TIPIN: variants seen among roughly 807,000 people sequenced by gnomAD.
TIPIN encodes the protein TIMELESS interacting protein.
In TIPIN, 29 loss-of-function variants were observed where a neutral mutation model predicts 35.6. That is an observed-to-expected ratio of 0.82 (90% CI 0.61 to 1.11). The LOEUF is 1.11. TIPIN is among the 50% of genes most tolerant of loss of function. The pLI, the probability that TIPIN is intolerant of heterozygous loss-of-function variation, is 0.00. For synonymous variants in TIPIN, 102 were observed against 121.5 expected (o/e 0.84, Z 1.06); for missense variants, 296 against 345.4 (o/e 0.86, Z 1.13).
At chr15:66,368,733 TAGAC>T (rs997570112) in intron 1 of TIPIN, among the ~76,000 whole-genome samples, 10 of 152,128 alleles carry the variant, frequency 6.6e-5, no homozygotes, top group African/African-American at 2.2e-4. Flanking sequence ...AAAGGTATGA[TAGAC>T]AAAGGAAAAA....
At chr15:66,339,265 C>A (rs2093068932) in intron 7 of TIPIN, among the ~76,000 whole-genome samples, 1 of 147,406 alleles carries the variant, frequency 6.8e-6, no homozygotes, top group Non-Finnish European at 1.5e-5. Flanking sequence ...AACATGGTAT[C>A]TAGTTATTAT....
At chr15:66,337,771 A>T (rs1384912924) in intron 7 of TIPIN, among the ~76,000 whole-genome samples, 8 of 66,632 alleles carry the variant, frequency 1.2e-4, no homozygotes, top group African/African-American at 1.9e-4. Context: ...AACATCAAAA[A>T]AAATAAAATA....
chr15:66,381,792 G>A (rs928772668), intron 1 of TIPIN, among the ~76,000 whole-genome samples: 2 of 152,182 alleles, frequency 1.3e-5, no homozygotes, highest in East Asian at 1.9e-4. Flanking sequence ...GGCCGGGCAC[G>A]GTGGCTCACA....
chr15:66,368,886 T>C (rs2093267704), intron 1 of TIPIN, among the ~76,000 whole-genome samples: 2 of 152,216 alleles, frequency 1.3e-5, no homozygotes, highest in South Asian at 4.1e-4. Context: ...AGAGACTTTT[T>C]AAAAGATCAT....
intron 1 of TIPIN, among the ~76,000 whole-genome samples, chr15:66,377,365 T>C (rs1012584264): frequency 2.6e-5 from 4 of 152,122 alleles, no homozygotes; most frequent in Non-Finnish European, 5.9e-5. Flanking sequence ...ATTGCTCTTT[T>C]TCTTTTATTT....
intron 7 of TIPIN, among the ~76,000 whole-genome samples, chr15:66,338,149 G>A (rs1035688561): frequency 3.3e-5 from 5 of 151,692 alleles, no homozygotes; most frequent in South Asian, 4.2e-4. Flanking sequence ...CCAGCTACTC[G>A]GGAGGCTGGG....
intron 1 of TIPIN, chr15:66,371,484 GTTTA>G (rs752509717): frequency 1.3e-4 from 79 of 604,372 alleles, no homozygotes; most frequent in Non-Finnish European, 1.5e-4. Flanking sequence ...TTTTCCATGA[GTTTA>G]TTTATTTTTC....
intron 1 of TIPIN, among the ~76,000 whole-genome samples, chr15:66,364,371 G>A (rs2093244990): frequency 6.6e-6 from 1 of 151,560 alleles, no homozygotes; most frequent in Admixed American, 6.6e-5. Flanking sequence ...TCACCACGTT[G>A]GCCAGGCTGG....
intron 1 of TIPIN, among the ~76,000 whole-genome samples, chr15:66,363,932 G>A (rs1451630998): frequency 6.6e-6 from 1 of 150,950 alleles, no homozygotes; most frequent in Non-Finnish European, 1.5e-5. Context: ...GCAGTGAGCT[G>A]AGACTGCACC....
At chr15:66,350,832 G>C (rs1445775862) in intron 4 of TIPIN, among the ~76,000 whole-genome samples, 3 of 151,158 alleles carry the variant, frequency 2.0e-5, no homozygotes, top group African/African-American at 7.3e-5. Context: ...CTACTCGGGA[G>C]GCTAAGGCAG....
At chr15:66,339,676 T>C (rs1298338891) in intron 7 of TIPIN, among the ~76,000 whole-genome samples, 1 of 152,116 alleles carries the variant, frequency 6.6e-6, no homozygotes, top group African/African-American at 2.4e-5. Flanking sequence ...AAGGCTGCAG[T>C]GAGTCAAGAT....
intron 7 of TIPIN, among the ~76,000 whole-genome samples, chr15:66,338,813 CAAAAAA>C (rs35966273): frequency 5.7e-5 from 2 of 35,288 alleles, no homozygotes; most frequent in African/African-American, 1.3e-4. Flanking sequence ...GACTCCGTCT[CAAAAAA>C]AAAAAAAAAA....
At chr15:66,382,458 G>A (rs2093321788) in intron 1 of TIPIN, among the ~76,000 whole-genome samples, 1 of 152,156 alleles carries the variant, frequency 6.6e-6, no homozygotes, top group African/African-American at 2.4e-5. Context: ...GCTCACTGCA[G>A]CCTTGACTTC....
chr15:66,337,291 C>A, intron 7 of TIPIN, 110 bp from the exon 8 acceptor site: 2 of 691,266 alleles, frequency 2.9e-6, no homozygotes, highest in Non-Finnish European at 4.6e-6. Flanking sequence ...TCTAAGATCA[C>A]TTAATGTTAA....
chr15:66,336,951 T>C lies in TIPIN; in HGVS notation c.*7A>G. 6.2e-7 allele frequency: 1 copy of C among 1,605,920 alleles called. No individual in the cohort carries two copies. On this transcript the variant is annotated 3_prime_UTR_variant, in exon 8 of 8. Transcript: ENST00000261881. ...ACTTAACAGATACATTTTCTCTTAA[T>C]GGAAACTTATCTAGCTTCAGTAATA...
At chr15:66,342,995 G>T (rs1253574889) in intron 6 of TIPIN, among the ~76,000 whole-genome samples, 1 of 152,198 alleles carries the variant, frequency 6.6e-6, no homozygotes, top group Non-Finnish European at 1.5e-5. Context: ...TTATGACAGA[G>T]TTACTGTCTG....
At chr15:66,376,047 C>T (rs191656444) in intron 1 of TIPIN, among the ~76,000 whole-genome samples, 1 of 152,258 alleles carries the variant, frequency 6.6e-6, no homozygotes, top group East Asian at 1.9e-4. Flanking sequence ...TTAAAGTGAT[C>T]TATGATCCAG....
intron 1 of TIPIN, chr15:66,382,926 C>A (rs1268210656): frequency 1.0e-6 from 1 of 985,088 alleles, no homozygotes; most frequent in African/African-American, 1.7e-5. Context: ...TTGACAGAAC[C>A]GATGGATCAC....
At chr15:66,361,025 G>A (rs951980915), upstream of TIPIN, among the ~76,000 whole-genome samples, 9 of 142,676 alleles carry the variant, frequency 6.3e-5, no homozygotes, top group South Asian at 2.3e-4. Context: ...CTATCTACTC[G>A]GAAGGCTGAC....
Sources: allele counts gnomAD v4.1 joint callset (sites outside exome capture counted in the v4.1 genomes callset), GRCh38; gene constraint gnomAD v4.1.1; transcripts MANE v1.5; gene names NCBI Gene and HGNC (gene_info 2026-07-23, HGNC 2026-07-21).